The following GPC5 variants were observed in gnomAD, a reference collection of about 807,000 sequenced individuals.
The protein encoded by GPC5 is glypican-5.
In GPC5, 47 loss-of-function variants were observed where a neutral mutation model predicts 53.9. The observed-to-expected ratio is 0.87, with a 90% confidence interval of 0.69 to 1.11. The LOEUF (loss-of-function observed/expected upper bound fraction) is 1.11. GPC5 is among the 50% of genes most tolerant of loss of function. The probability of loss-of-function intolerance (pLI) is 0.00; values close to 1 mark genes in which losing one functional copy is unlikely to be tolerated. For missense variants in GPC5, 748 were observed against 713.1 expected (o/e 1.05, Z -0.56); for synonymous variants, 286 against 263.3 (o/e 1.09, Z -0.84).
intron 7 of GPC5, among the ~76,000 whole-genome samples, chr13:92,728,535 A>G (rs1888709749): frequency 6.6e-6 from 1 of 151,436 alleles, no homozygotes; most frequent in African/African-American, 2.4e-5. Flanking sequence ...TGAAAAACAG[A>G]GAAAGCCTCA....
intron 1 of GPC5, among the ~76,000 whole-genome samples, chr13:91,417,067 C>T (rs1371201129): frequency 6.6e-6 from 1 of 152,002 alleles, no homozygotes; most frequent in Non-Finnish European, 1.5e-5. Context: ...GTGGATGGAG[C>T]AGAGGGGGGG....
At chr13:92,504,138 A>G (rs1317941208) in intron 7 of GPC5, among the ~76,000 whole-genome samples, 1 of 152,000 alleles carries the variant, frequency 6.6e-6, no homozygotes, top group Non-Finnish European at 1.5e-5. Context: ...AGGTTTTCCA[A>G]AGAACTTCTG....
chr13:92,484,462 A>T (rs1312703774), intron 7 of GPC5: 2 of 152,168 alleles, frequency 1.3e-5, no homozygotes, highest in Non-Finnish European at 1.5e-5. Context: ...CATGTAGGCT[A>T]TATTTGGTTA....
intron 7 of GPC5, among the ~76,000 whole-genome samples, chr13:92,330,064 A>G (rs1321660855): frequency 6.6e-6 from 1 of 152,112 alleles, no homozygotes; most frequent in African/African-American, 2.4e-5. Context: ...TCAGATGGAG[A>G]ACTAATGGAG....
intron 7 of GPC5, among the ~76,000 whole-genome samples, chr13:92,271,854 T>C (rs2042842036): frequency 6.6e-6 from 1 of 152,168 alleles, no homozygotes; most frequent in Non-Finnish European, 1.5e-5. Flanking sequence ...GTCTGAGTAA[T>C]GTTTCTTAGG....
At chr13:91,533,104 G>T (rs558417062) in intron 2 of GPC5, among the ~76,000 whole-genome samples, 8 of 152,334 alleles carry the variant, frequency 5.3e-5, no homozygotes, top group Non-Finnish European at 1.0e-4. Context: ...TTATTGGAAA[G>T]ATGATTTTTG....
In GPC5 at chr13:92,465,191, A is replaced by T. The variant is rs375002331; in HGVS notation, c.1561+320202A>T. ...TTTCATGTGATTATTTATTTGAGGC[A>T]TGAGAATACACATTGCATAAAAGTG... On this transcript the variant is annotated intron_variant, in intron 7 of 7. Coordinates refer to ENST00000377067, the MANE Select transcript of GPC5 (RefSeq NM_004466.6). 7.2e-5 allele frequency among the ~76,000 whole-genome samples: 11 copies of T among 152,208 alleles called. No homozygotes were observed. In the East Asian group the frequency reaches 1.5e-3, roughly 21 times the overall value.
intron 7 of GPC5, among the ~76,000 whole-genome samples, chr13:92,854,865 CT>C (rs1180267187): frequency 3.3e-5 from 5 of 151,724 alleles, no homozygotes; most frequent in African/African-American, 1.2e-4. Context: ...ATTTGTTTTG[CT>C]GTAGAGAAGC....
chr13:91,430,830 G>T (rs1879393020), intron 1 of GPC5, among the ~76,000 whole-genome samples: 1 of 152,092 alleles, frequency 6.6e-6, no homozygotes, highest in Non-Finnish European at 1.5e-5. Context: ...AAACATGGTG[G>T]CAGTGGGGGT....
At chr13:92,063,054 A>C (rs1216041322) in intron 6 of GPC5, among the ~76,000 whole-genome samples, 1 of 152,108 alleles carries the variant, frequency 6.6e-6, no homozygotes, top group Non-Finnish European at 1.5e-5. Context: ...AAATCAGGAA[A>C]GACTCTGCAG....
chr13:91,532,445 AG>A (rs2138672985), intron 2 of GPC5, among the ~76,000 whole-genome samples: 1 of 152,364 alleles, frequency 6.6e-6, no homozygotes, highest in Admixed American at 6.5e-5. Context: ...AACCTTTTAA[AG>A]TCTTCATTTT....
chr13:91,952,189 CTGTG>C (rs1555299530), intron 6 of GPC5, among the ~76,000 whole-genome samples: 1 of 119,316 alleles, frequency 8.4e-6, no homozygotes, highest in African/African-American at 2.5e-5. Context: ...CTCTCTCTCT[CTGTG>C]TGTGTGTGTG....
chr13:92,597,021 C>A (rs1883903876), intron 7 of GPC5, among the ~76,000 whole-genome samples: 1 of 152,130 alleles, frequency 6.6e-6, no homozygotes, highest in Non-Finnish European at 1.5e-5. Flanking sequence ...TAATTTCCCC[C>A]TCTTCACAGT....
Position 91,509,712 on chromosome 13 carries a change from T to C in GPC5, c.325+60790T>C, listed in dbSNP as rs1416713412. On this transcript the variant is annotated intron_variant, in intron 2 of 7. Coordinates refer to ENST00000377067, the MANE Select transcript of GPC5 (RefSeq NM_004466.6). The stretch of plus-strand genomic sequence containing the variant: ...TTTATTCAAAGCCATTTTAGTCACA[T>C]GGGAATACTAAAAATTAGTCATGAT... Among the ~76,000 whole-genome samples, 5 of 152,120 alleles carry C rather than the reference T, an allele frequency of 3.3e-5. No individual in the cohort carries two copies. The East Asian group carries it at 9.6e-4, about 29-fold the overall frequency.
chr13:92,196,848 G>T (rs956391293), intron 7 of GPC5, among the ~76,000 whole-genome samples: 1 of 152,178 alleles, frequency 6.6e-6, no homozygotes, highest in African/African-American at 2.4e-5. Flanking sequence ...AGAAAGCAGT[G>T]GGTGAAAGTG....
chr13:92,504,356 GA>G (rs1880292433), intron 7 of GPC5, among the ~76,000 whole-genome samples: 1 of 151,900 alleles, frequency 6.6e-6, no homozygotes, highest in Admixed American at 6.6e-5. Context: ...TAAACAAATG[GA>G]GAGTTATCAC....
At chr13:92,211,899 A>G (rs1364241056) in intron 7 of GPC5, among the ~76,000 whole-genome samples, 1 of 152,136 alleles carries the variant, frequency 6.6e-6, no homozygotes, top group African/African-American at 2.4e-5. Flanking sequence ...AGCCTTTCTG[A>G]CAGCATCAGA....
chr13:91,962,314 G>A (rs899654162), intron 6 of GPC5, among the ~76,000 whole-genome samples: 2 of 152,092 alleles, frequency 1.3e-5, no homozygotes, highest in Non-Finnish European at 2.9e-5. Context: ...TTTTATTGGA[G>A]AAATCCCAAA....
intron 2 of GPC5, among the ~76,000 whole-genome samples, chr13:91,613,245 C>T (rs1045510927): frequency 3.3e-5 from 5 of 152,268 alleles, no homozygotes; most frequent in African/African-American, 9.6e-5. Flanking sequence ...CTTACAGTTC[C>T]ATGTGGCTGG....
Sources: allele counts gnomAD v4.1 joint callset (sites outside exome capture counted in the v4.1 genomes callset), GRCh38; gene constraint gnomAD v4.1.1; transcripts MANE v1.5; gene names NCBI Gene and HGNC (gene_info 2026-07-23, HGNC 2026-07-21).